The following LIMCH1 variants were observed in gnomAD, a reference collection of about 807,000 sequenced individuals.
LIMCH1 encodes LIM and calponin homology domains-containing protein 1.
A neutral mutation model predicts 176.5 loss-of-function variants in LIMCH1; 113 were observed. That is an observed-to-expected ratio of 0.64 (90% confidence interval 0.55 to 0.75). LIMCH1 has a LOEUF of 0.75. Among genes scored for constraint, LIMCH1 ranks in the 30% least tolerant of loss-of-function variants. LIMCH1 has a pLI of 0.00. For synonymous variants in LIMCH1, 619 were observed against 645.9 expected (o/e 0.96, Z 0.63); for missense variants, 1,674 against 1,814.9 (o/e 0.92, Z 1.41).
At chr4:41,615,738 T>C (rs1292687968) in intron 5 of LIMCH1, among the ~76,000 whole-genome samples, 2 of 152,232 alleles carry the variant, frequency 1.3e-5, no homozygotes, top group Non-Finnish European at 2.9e-5. Context: ...TGAAAAAACT[T>C]GTTGTAAGTC....
chr4:41,419,709 T>TTCCTTCCTCCTTCCTTCCTTCCG (rs2060435756), intron 1 of LIMCH1, among the ~76,000 whole-genome samples: 2 of 116,520 alleles, frequency 1.7e-5, no homozygotes, highest in African/African-American at 9.1e-5. Context: ...CCTTCCTTCC[T>TTCCTTCCTCCTTCCTTCCTTCCG]TCCTTCCTTC....
At position 41,676,669 on chromosome 4, in the gene LIMCH1, G is replaced by GA. The variant is rs1434853797; in HGVS notation, c.3519+212dup. On this transcript the variant is annotated intron_variant, in intron 23 of 31. Coordinates refer to ENST00000503057, the MANE Select transcript of LIMCH1 (RefSeq NM_001330672.2). ...CAAAGACTGCAATAATAAACATGAT[G>GA]AAAAACCATTCATATTAACACTGAA... Among the ~76,000 whole-genome samples, 3 of 152,030 alleles carry GA rather than the reference G, an allele frequency of 2.0e-5. No homozygotes were observed. In the East Asian group the frequency reaches 5.8e-4, roughly 29 times the overall value.
chr4:41,653,186 G>A (rs2094358867), intron 18 of LIMCH1, among the ~76,000 whole-genome samples: 1 of 152,034 alleles, frequency 6.6e-6, no homozygotes, highest in Admixed American at 6.6e-5. Flanking sequence ...TGCAACTTAG[G>A]ATACCACAAG....
chr4:41,415,393 A>G (rs944466092), intron 1 of LIMCH1, among the ~76,000 whole-genome samples: 35 of 152,240 alleles, frequency 2.3e-4, no homozygotes, highest in African/African-American at 7.9e-4. Flanking sequence ...TAAACTTTCC[A>G]TCCCCTCTCT....
At chr4:41,364,837 G>A (rs912349272) in intron 1 of LIMCH1, among the ~76,000 whole-genome samples, 4 of 150,338 alleles carry the variant, frequency 2.7e-5, no homozygotes, top group Non-Finnish European at 4.4e-5. Flanking sequence ...CTCCTGCTAG[G>A]AATAAGAAGA....
Position 41,419,624 on chromosome 4 carries a change from T to TTCC in LIMCH1, c.96+58690_96+58692dup, listed in dbSNP as rs755577572. 1.4e-3 allele frequency among the ~76,000 whole-genome samples: 127 copies of TTCC among 93,298 alleles called. 24 individuals carry two copies. Among genetic ancestry groups the TTCC allele is most frequent in the African/African-American group, 7.3e-3 (121 of 16,668 alleles). The allele number at this position is 93,298 out of a possible 152,430, so 61.2% of individuals were successfully genotyped here. A position where few individuals can be genotyped will look rare whatever the true frequency, so the allele number is the denominator to read the frequency against. On this transcript the variant is annotated intron_variant, in intron 1 of 26. Coordinates refer to the LIMCH1 transcript ENST00000313860. ...CTTCCGTCCTTCCTTCCTTCCTTCC[T>TTCC]TCCTTCCTTCCTCCTTCCTTTCTTC...
At chr4:41,696,974 A>G (rs1175837750) in intron 31 of LIMCH1, among the ~76,000 whole-genome samples, 186 bp from the exon 32 acceptor site, 3 of 152,080 alleles carry the variant, frequency 2.0e-5, no homozygotes, top group African/African-American at 4.8e-5. Flanking sequence ...TTTCAAACAG[A>G]CTCCAGGTGA....
chr4:41,640,805 C>T (rs2093787519), intron 14 of LIMCH1, among the ~76,000 whole-genome samples: 1 of 151,998 alleles, frequency 6.6e-6, no homozygotes, highest in Non-Finnish European at 1.5e-5. Context: ...TAAAATAGAG[C>T]CCAATCAAAA....
chr4:41,653,685 G>T (rs1478611280), intron 18 of LIMCH1, among the ~76,000 whole-genome samples: 1 of 152,238 alleles, frequency 6.6e-6, no homozygotes, highest in Non-Finnish European at 1.5e-5. Flanking sequence ...GAGAACAACA[G>T]AGAAGGGCGG....
intron 17 of LIMCH1, among the ~76,000 whole-genome samples, chr4:41,648,047 T>A (rs904591931): frequency 6.6e-6 from 1 of 152,068 alleles, no homozygotes; most frequent in Non-Finnish European, 1.5e-5. Flanking sequence ...TCATATGGAC[T>A]CACACACACA....
chr4:41,666,749 C>A (rs1168653479), intron 21 of LIMCH1, 83 bp downstream of exon 21: 1 of 912,400 alleles, frequency 1.1e-6, no homozygotes, highest in Non-Finnish European at 1.8e-6. Context: ...AGGAAGATTA[C>A]GTCCTTTATG....
At chr4:41,650,856 A>G (rs1259094301) in intron 18 of LIMCH1, among the ~76,000 whole-genome samples, 1 of 152,092 alleles carries the variant, frequency 6.6e-6, no homozygotes, top group Non-Finnish European at 1.5e-5. Context: ...ATGAGAGAGC[A>G]TCTGTTCCAG....
intron 3 of LIMCH1, among the ~76,000 whole-genome samples, chr4:41,526,217 T>C (rs990874782): frequency 6.6e-6 from 1 of 151,734 alleles, no homozygotes; most frequent in African/African-American, 2.4e-5. Context: ...TCCTCTACTT[T>C]CTTTTTTCAT....
intron 1 of LIMCH1, among the ~76,000 whole-genome samples, chr4:41,474,466 G>A (rs1416527332): frequency 6.6e-6 from 1 of 151,964 alleles, no homozygotes. Context: ...CAGCCTGGGC[G>A]ACAGAGTGAG....
intron 1 of LIMCH1, among the ~76,000 whole-genome samples, chr4:41,411,265 T>C (rs1298782018): frequency 6.6e-6 from 1 of 152,206 alleles, no homozygotes; most frequent in East Asian, 1.9e-4. Context: ...ACAAAAACTT[T>C]TATATATAAC....
intron 1 of LIMCH1, among the ~76,000 whole-genome samples, chr4:41,431,482 A>G (rs184035429): frequency 1.3e-5 from 2 of 152,308 alleles, no homozygotes; most frequent in Admixed American, 6.5e-5. Context: ...TGTAACAAGC[A>G]CCCAATAAAT....
chr4:41,526,876 T>C (rs1457427620), intron 3 of LIMCH1, among the ~76,000 whole-genome samples: 1 of 152,246 alleles, frequency 6.6e-6, no homozygotes, highest in Admixed American at 6.5e-5. Flanking sequence ...CTGCATTTCC[T>C]TGGCCACTGC....
chr4:41,568,438 T>C (rs1049001211), intron 1 of LIMCH1, among the ~76,000 whole-genome samples: 2 of 152,230 alleles, frequency 1.3e-5, no homozygotes, highest in African/African-American at 2.4e-5. Context: ...CAATGGTGTG[T>C]CATGGGTTTG....
chr4:41,626,698 C>G lies in LIMCH1; in HGVS notation c.726-10C>G. ...CACATGTGGAGTCCCATTTAATTTTCCCCTATCAGTCAAAAACAATTAAGT... is the reference window on the plus strand; with the variant it reads ...CACATGTGGAGTCCCATTTAATTTTGCCCTATCAGTCAAAAACAATTAAGT... On this transcript the variant is annotated splice_polypyrimidine_tract_variant and intron_variant, in intron 7 of 31. Coordinates refer to ENST00000503057, the MANE Select transcript of LIMCH1 (RefSeq NM_001330672.2). The G allele has an allele frequency of 1.3e-6, 2 of 1,532,436 alleles. No homozygotes were observed. The highest frequency in any genetic ancestry group is 1.7e-6 in the Non-Finnish European group (2 of 1,144,018). The allele number at this position is 1,532,436 out of a possible 1,614,324, so 94.9% of individuals were successfully genotyped here.
Sources: allele counts gnomAD v4.1 joint callset (sites outside exome capture counted in the v4.1 genomes callset), GRCh38; gene constraint gnomAD v4.1.1; transcripts MANE v1.5; gene names NCBI Gene and HGNC (gene_info 2026-07-23, HGNC 2026-07-21).